Variants in AOX1 observed in about 807,000 individuals in gnomAD.
AOX1 encodes aldehyde oxidase 1, also known as aldehyde oxidase.
In AOX1, 153 loss-of-function variants were observed where a neutral mutation model predicts 169.5. That is an observed-to-expected ratio of 0.90 (90% CI 0.79 to 1.03). The LOEUF is 1.03. Among genes scored for constraint, AOX1 ranks in the 50% least tolerant of loss-of-function variants. The probability of loss-of-function intolerance (pLI) is 0.00; values close to 1 mark genes in which losing one functional copy is unlikely to be tolerated. For missense variants in AOX1, 1,656 were observed against 1,663.9 expected (o/e 1.00, Z 0.08); for synonymous variants, 562 against 581.9 (o/e 0.97, Z 0.49).
Position 200,597,525 on chromosome 2 carries a change from T to G in AOX1, c.309+20T>G, listed in dbSNP as rs767187855. The stretch of plus-strand genomic sequence containing the variant: ...GTTCAGGTGAGGATGTGCCTCTTCC[T>G]TATAGGCTTTCTGTGCTTTAGAAAC... On this transcript the variant is annotated intron_variant, in intron 4 of 34. Coordinates refer to ENST00000374700, the MANE Select transcript of AOX1 (RefSeq NM_001159.4). 2.3e-5 allele frequency: 36 copies of G among 1,552,286 alleles called. No homozygotes were observed. Among genetic ancestry groups the G allele is most frequent in the Non-Finnish European group, 3.0e-5 (34 of 1,128,502 alleles).
chr2:200,664,014 G>A (rs1430569207), intron 31 of AOX1, among the ~76,000 whole-genome samples: 1 of 152,124 alleles, frequency 6.6e-6, no homozygotes, highest in Non-Finnish European at 1.5e-5. Context: ...TCTCTATAGG[G>A]TAACCTCGCA....
intron 20 of AOX1, among the ~76,000 whole-genome samples, chr2:200,632,394 TTCAAG>T (rs2035145311): frequency 1.3e-5 from 2 of 151,532 alleles, no homozygotes; most frequent in Admixed American, 1.3e-4. Flanking sequence ...ATTTTACAAG[TTCAAG>T]TCAAGTGTAG....
intron 1 of AOX1, among the ~76,000 whole-genome samples, chr2:200,586,751 G>A (rs899333911): frequency 1.3e-5 from 2 of 152,222 alleles, no homozygotes; most frequent in Non-Finnish European, 2.9e-5. Flanking sequence ...GGGCTCCAAG[G>A]TCCTCACGGG....
chr2:200,668,942 A>G, intron 33 of AOX1, 139 bp downstream of exon 33: 1 of 711,150 alleles, frequency 1.4e-6, no homozygotes, highest in African/African-American at 1.8e-5. Flanking sequence ...TTTTAATTCT[A>G]ATCTAACATT....
downstream of AOX1, among the ~76,000 whole-genome samples, chr2:200,679,836 C>A (rs1428041588): frequency 6.6e-6 from 1 of 152,124 alleles, no homozygotes; most frequent in Non-Finnish European, 1.5e-5. Context: ...AATCCTGGCA[C>A]TTTGGGAGGC....
rs550323094 is a variant in AOX1, at chr2:200,665,806, A to G, written c.3544-881A>G. 9.2e-5 allele frequency among the ~76,000 whole-genome samples: 14 copies of G among 152,340 alleles called. No homozygotes were observed. In the South Asian group the frequency reaches 2.5e-3, roughly 27 times the overall value. On this transcript the variant is annotated intron_variant, in intron 31 of 34. Coordinates refer to ENST00000374700, the MANE Select transcript of AOX1 (RefSeq NM_001159.4). ...GAGCTCCTCCTCTAACCTTCAGCTGAGGCCACTTATCTCCTGGAAGGCCAG... is the reference window on the plus strand; with the variant it reads ...GAGCTCCTCCTCTAACCTTCAGCTGGGGCCACTTATCTCCTGGAAGGCCAG...
At chr2:200,667,124 G>C (rs922653707) in intron 32 of AOX1, among the ~76,000 whole-genome samples, 2 of 152,288 alleles carry the variant, frequency 1.3e-5, no homozygotes, top group Non-Finnish European at 2.9e-5. Context: ...GGGATAACAA[G>C]CCTCAAGTCA....
At chr2:200,681,923 G>T (rs2036157218), downstream of AOX1, among the ~76,000 whole-genome samples, 1 of 151,260 alleles carries the variant, frequency 6.6e-6, no homozygotes, top group Non-Finnish European at 1.5e-5. Context: ...GTGACCTTTT[G>T]GGGTTTTTTT....
chr2:200,622,305 G>A (rs997965839), intron 18 of AOX1, among the ~76,000 whole-genome samples: 2 of 152,218 alleles, frequency 1.3e-5, no homozygotes. Flanking sequence ...ACATTGCAGG[G>A]TGAATGAGTA....
intron 1 of AOX1, among the ~76,000 whole-genome samples, chr2:200,589,567 C>A (rs370421061): frequency 3.3e-5 from 5 of 152,166 alleles, no homozygotes; most frequent in African/African-American, 7.2e-5. Context: ...ATAACAGAAC[C>A]TTTTCCCTTG....
Position 200,662,893 on chromosome 2 carries a change from G to C in AOX1, c.3467G>C (p.Gly1156Ala). 1 of 1,614,058 alleles carries C rather than the reference G, an allele frequency of 6.2e-7. No homozygotes were observed. The highest frequency in any genetic ancestry group is 1.3e-5 in the African/African-American group (1 of 75,038). The part of the protein sequence containing the change: ...ESDMNWEKGE[G>A]QPFEYFVYGA... ...GACATGAACTGGGAGAAAGGCGAAG[G>C]CCAGCCCTTCGAATACTTTGTTTAT... The change falls in exon 31 of 35, where the codon GGC (glycine) becomes GCC (alanine). Residue 1156 changes from glycine to alanine, a missense_variant. Physicochemically the swap from Gly to Ala is moderately conservative, Grantham distance 60 (BLOSUM62 0). Coordinates refer to ENST00000374700, the MANE Select transcript of AOX1 (RefSeq NM_001159.4).
intron 22 of AOX1, 118 bp downstream of exon 22, chr2:200,637,162 A>T: frequency 7.9e-7 from 1 of 1,270,658 alleles, no homozygotes; most frequent in Non-Finnish European, 1.1e-6. Context: ...CGATACAAAC[A>T]CACAAACAAG....
At chr2:200,668,930 C>T (rs1368802669) in intron 33 of AOX1, 127 bp downstream of exon 33, 22 of 755,482 alleles carry the variant, frequency 2.9e-5, no homozygotes, top group Non-Finnish European at 3.7e-5. Context: ...TCTTATTAAA[C>T]ATTTTAATTC....
At chr2:200,595,483 T>TG in intron 3 of AOX1, 115 bp downstream of exon 3, 1 of 635,420 alleles carries the variant, frequency 1.6e-6, no homozygotes, top group Admixed American at 3.0e-5. Flanking sequence ...AACTGGCCAC[T>TG]TGGCGTACAA....
rs1258821334 is a variant in AOX1 at position 200,620,665 on chromosome 2, C to A, written c.1720C>A (p.Gln574Lys). ...TATTAAACAGAATATAGGCCCAAAGCAGCATCCTGAAGACCCAATTGGCCA... is the reference window on the plus strand; with the variant it reads ...TATTAAACAGAATATAGGCCCAAAGAAGCATCCTGAAGACCCAATTGGCCA... ...TLKYQNIGPK[Q>K]HPEDPIGHPI... is the part of the protein sequence containing the mutation. Residue 574 changes from glutamine (Q) to lysine (K), a missense_variant, in exon 17 of 35, where the codon CAG becomes AAG. Physicochemically the swap from Gln to Lys is moderately conservative, Grantham distance 53. Transcript: ENST00000374700. 6.5e-7 allele frequency: 1 copy of A among 1,546,566 alleles called. No homozygotes were observed. The highest frequency in any genetic ancestry group is 1.4e-5 in the African/African-American group (1 of 70,682).
intron 19 of AOX1, among the ~76,000 whole-genome samples, chr2:200,626,148 C>T (rs1353092255): frequency 1.3e-5 from 2 of 152,150 alleles, no homozygotes; most frequent in Admixed American, 6.5e-5. Context: ...GAGGCAAAAA[C>T]TATTTTTATC....
In AOX1 at chr2:200,641,082, C is replaced by A; in HGVS notation, c.2569-16C>A. 1 of 1,603,500 alleles carries A rather than the reference C, an allele frequency of 6.2e-7. No homozygotes were observed. The highest frequency in any genetic ancestry group is 1.7e-4 in the Middle Eastern group (1 of 6,034). ...TGGCCCCTGTTCCAGCATTCGATATCGGTTCTCTTCCCCAGGCTGGATTCA... is the reference window on the plus strand; with the variant it reads ...TGGCCCCTGTTCCAGCATTCGATATAGGTTCTCTTCCCCAGGCTGGATTCA... On this transcript the variant is annotated splice_polypyrimidine_tract_variant and intron_variant, in intron 23 of 34. Transcript: ENST00000374700.
chr2:200,631,228 T>C (rs996468671), intron 20 of AOX1, among the ~76,000 whole-genome samples: 2 of 152,206 alleles, frequency 1.3e-5, no homozygotes, highest in Non-Finnish European at 2.9e-5. Context: ...CAGCTGAGGC[T>C]AGAGAGGCTA....
intron 33 of AOX1, 105 bp downstream of exon 33, chr2:200,668,908 C>A: frequency 1.1e-6 from 1 of 945,382 alleles, no homozygotes; most frequent in Non-Finnish European, 1.5e-6. Flanking sequence ...ACCAGGATTG[C>A]AGAAGAAAAA....
Sources: gnomAD v4.1 joint callset for allele counts (sites outside exome capture counted in the v4.1 genomes callset) on GRCh38, gnomAD v4.1.1 for gene constraint, MANE v1.5 for transcripts, NCBI Gene and HGNC (gene_info 2026-07-23, HGNC 2026-07-21) for gene names.